The following STK31 variants were observed in gnomAD, a reference collection of about 807,000 sequenced individuals.
The protein encoded by STK31 is serine/threonine kinase 31.
STK31 carries 89 observed loss-of-function variants against 129.7 expected under a neutral mutation model. The observed-to-expected ratio is 0.69, with a 90% confidence interval of 0.58 to 0.82. The LOEUF (loss-of-function observed/expected upper bound fraction) is 0.82. Among genes scored for constraint, STK31 ranks in the 40% least tolerant of loss-of-function variants. The pLI is 0.00. For synonymous variants in STK31, 448 were observed against 395.3 expected, an observed-to-expected ratio of 1.13 and a Z score of -1.58; for missense variants, 1,187 against 1,176.4, an observed-to-expected ratio of 1.01 and a Z score of -0.13.
rs540082270 is a variant in STK31, at chr7:23,804,865, A to G, written c.2761-10279A>G. Among the ~76,000 whole-genome samples, 15 of 151,858 alleles carry G rather than the reference A, an allele frequency of 9.9e-5. No homozygotes were observed. In the South Asian group the frequency reaches 3.1e-3, roughly 32 times the overall value. On this transcript the variant is annotated intron_variant, in intron 22 of 23. Coordinates refer to ENST00000355870, the MANE Select transcript of STK31 (RefSeq NM_031414.5). ...CTAATCTTAAATCTCCAGTGGGTTTATTTACTGTCTCTCTTTTCTTCCAGT... is the reference window on the plus strand; with the variant it reads ...CTAATCTTAAATCTCCAGTGGGTTTGTTTACTGTCTCTCTTTTCTTCCAGT...
intron 23 of STK31, among the ~76,000 whole-genome samples, chr7:23,818,047 C>A (rs1049228600): frequency 6.6e-6 from 1 of 152,074 alleles, no homozygotes; most frequent in East Asian, 1.9e-4. Flanking sequence ...AGTTATCACA[C>A]CTTATAAAAT....
At chr7:23,756,463 C>T (rs1437382383) in intron 10 of STK31, among the ~76,000 whole-genome samples, 5 of 152,172 alleles carry the variant, frequency 3.3e-5, no homozygotes, top group African/African-American at 9.7e-5. Flanking sequence ...GTCTTCCTCT[C>T]TTCCTATTTG....
At chr7:23,722,125 G>A (rs1427723385) in intron 4 of STK31, 1 of 153,038 alleles carries the variant, frequency 6.5e-6, no homozygotes, top group African/African-American at 2.4e-5. Flanking sequence ...TTGCTGGCGA[G>A]GAGCTGCGTT....
At chr7:23,805,831 TGGTAA>T (rs1275394427) in intron 22 of STK31, among the ~76,000 whole-genome samples, 2 of 152,340 alleles carry the variant, frequency 1.3e-5, no homozygotes, top group East Asian at 3.9e-4. Flanking sequence ...TATAACATGG[TGGTAA>T]CATCCTCCCT....
chr7:23,788,159 C>A, intron 21 of STK31, 30 bp downstream of exon 21: 1 of 1,569,332 alleles, frequency 6.4e-7, no homozygotes, highest in Non-Finnish European at 8.6e-7. Context: ...CAAATAGGTT[C>A]TAGACTTTAT....
In STK31 at chr7:23,752,806, T is replaced by G; in HGVS notation, c.1107T>G (p.Ala369=). The change falls in exon 9 of 24, where the codon GCT becomes GCG. Residue 369 remains alanine (A), a synonymous_variant. Coordinates refer to ENST00000355870, the MANE Select transcript of STK31 (RefSeq NM_031414.5). ...YIDTRMKNLA[A]KMEILKEMRH... ...ATACCAGAATGAAAAATCTGGCAGCTAAGATGGAAATACTGAAAGAAATGA... is the reference window on the plus strand; with the variant it reads ...ATACCAGAATGAAAAATCTGGCAGCGAAGATGGAAATACTGAAAGAAATGA... 6.2e-7 allele frequency: 1 copy of G among 1,612,082 alleles called. No homozygotes were observed. The highest frequency in any genetic ancestry group is 8.5e-7 in the Non-Finnish European group (1 of 1,178,598).
At position 23,802,340 on chromosome 7, in the gene STK31, C is replaced by G. The variant is rs565633010; in HGVS notation, c.2760+11394C>G. Among the ~76,000 whole-genome samples, 8 of 152,272 alleles carry G rather than the reference C, an allele frequency of 5.3e-5. No individual in the cohort carries two copies. In the East Asian group the frequency reaches 1.5e-3, roughly 29 times the overall value. ...AAAGTTTGTTTATTCTTCCAACGAC[C>G]TCCCGCTGTGCGGTCCAGATGGTTC... On this transcript the variant is annotated intron_variant, in intron 22 of 23. Transcript: ENST00000355870.
intron 20 of STK31, 146 bp downstream of exon 20, chr7:23,787,070 T>G: frequency 1.4e-6 from 1 of 726,418 alleles, no homozygotes; most frequent in Non-Finnish European, 2.3e-6. Flanking sequence ...GTGATAGAAG[T>G]TATCGTGTTA....
intron 1 of STK31, 103 bp from the exon 2 acceptor site, chr7:23,711,996 G>T: frequency 1.0e-6 from 1 of 958,766 alleles, no homozygotes. Flanking sequence ...TTTGATAACT[G>T]CATTTAGGAC....
intron 10 of STK31, among the ~76,000 whole-genome samples, chr7:23,754,743 T>C (rs569224762): frequency 2.0e-5 from 3 of 152,160 alleles, no homozygotes; most frequent in Non-Finnish European, 4.4e-5. Flanking sequence ...AGTGAGAACA[T>C]GTAGTGTTTG....
chr7:23,787,974 C>A lies in STK31; in HGVS notation c.2488-6C>A. Reference sequence around the variant, plus strand: ...CCTCACTTCTTTTATGTGTACTTATCTATAGGAAACTTTAAAGGTCATGAA... The same window carrying A: ...CCTCACTTCTTTTATGTGTACTTATATATAGGAAACTTTAAAGGTCATGAA... On this transcript the variant is annotated splice_region_variant and splice_polypyrimidine_tract_variant and intron_variant, in intron 20 of 23. Coordinates refer to ENST00000355870, the MANE Select transcript of STK31 (RefSeq NM_031414.5). 6.5e-7 allele frequency: 1 copy of A among 1,538,906 alleles called. No individual in the cohort carries two copies. The highest frequency in any genetic ancestry group is 8.7e-7 in the Non-Finnish European group (1 of 1,145,874).
chr7:23,730,247 CAT>C (rs1275809293), intron 6 of STK31, among the ~76,000 whole-genome samples: 1 of 152,106 alleles, frequency 6.6e-6, no homozygotes, highest in Non-Finnish European at 1.5e-5. Context: ...TCAAGTAGCT[CAT>C]GTGGAAAACA....
chr7:23,775,865 T>A (rs1471143815), intron 15 of STK31, among the ~76,000 whole-genome samples: 1 of 152,210 alleles, frequency 6.6e-6, no homozygotes, highest in Non-Finnish European at 1.5e-5. Flanking sequence ...TCCAATACTG[T>A]GTTAAATAGG....
At chr7:23,738,181 G>A (rs1488398047) in intron 8 of STK31, among the ~76,000 whole-genome samples, 1 of 152,066 alleles carries the variant, frequency 6.6e-6, no homozygotes, top group East Asian at 1.9e-4. Flanking sequence ...CAGAACTCAC[G>A]GAAGTGCTAT....
intron 15 of STK31, among the ~76,000 whole-genome samples, chr7:23,779,187 T>C (rs770358092): frequency 2.0e-5 from 3 of 152,162 alleles, no homozygotes; most frequent in Non-Finnish European, 4.4e-5. Flanking sequence ...ACAGCAAAGA[T>C]TGCTACATGT....
intron 10 of STK31, among the ~76,000 whole-genome samples, chr7:23,757,178 T>C (rs1789140766): frequency 6.6e-6 from 1 of 152,112 alleles, no homozygotes; most frequent in Admixed American, 6.5e-5. Flanking sequence ...GTTTTTGTTA[T>C]TGGTCTATTC....
At chr7:23,747,625 C>A (rs1457724313) in intron 8 of STK31, among the ~76,000 whole-genome samples, 3 of 152,194 alleles carry the variant, frequency 2.0e-5, no homozygotes, top group Non-Finnish European at 4.4e-5. Flanking sequence ...GCCTCGGCCT[C>A]CCAAAGTGCT....
chr7:23,749,834 A>T (rs368081324), intron 8 of STK31, among the ~76,000 whole-genome samples: 1 of 151,632 alleles, frequency 6.6e-6, no homozygotes, highest in Non-Finnish European at 1.5e-5. Context: ...GCATTTCTCA[A>T]TTTTTTCCTC....
At chr7:23,827,895 G>T (rs937251262) in intron 23 of STK31, among the ~76,000 whole-genome samples, 1 of 152,184 alleles carries the variant, frequency 6.6e-6, no homozygotes, top group African/African-American at 2.4e-5. Flanking sequence ...AGCAGTGGTG[G>T]CTGCAGAACA....
Sources: gnomAD v4.1 joint callset for allele counts (sites outside exome capture counted in the v4.1 genomes callset) on GRCh38, gnomAD v4.1.1 for gene constraint, MANE v1.5 for transcripts, NCBI Gene and HGNC (gene_info 2026-07-23, HGNC 2026-07-21) for gene names.